The following CACNA1E variants were observed in gnomAD, a reference collection of about 807,000 sequenced individuals.
The protein encoded by CACNA1E is calcium voltage-gated channel subunit alpha1 E.
In CACNA1E, 40 loss-of-function variants were observed where a neutral mutation model predicts 259.2. That is an observed-to-expected ratio of 0.15 (90% CI 0.12 to 0.20). The LOEUF is 0.20. Ranked by LOEUF, CACNA1E falls within the 10% of genes least tolerant of loss-of-function variation. The pLI, the probability that CACNA1E is intolerant of heterozygous loss-of-function variation, is 1.00. For synonymous variants in CACNA1E, 1,104 were observed against 1,138.5 expected, an observed-to-expected ratio of 0.97 and a Z score of 0.61; for missense variants, 1,874 against 3,040.1, an observed-to-expected ratio of 0.62 and a Z score of 9.02.
chr1:181,671,817 G>T (rs1648831815), intron 7 of CACNA1E, among the ~76,000 whole-genome samples: 1 of 152,208 alleles, frequency 6.6e-6, no homozygotes, highest in African/African-American at 2.4e-5. Flanking sequence ...TCACTCAGGG[G>T]TGTTAAAAAG....
At chr1:181,491,283 G>T (rs1664294191) in intron 1 of CACNA1E, among the ~76,000 whole-genome samples, 1 of 151,832 alleles carries the variant, frequency 6.6e-6, no homozygotes. Flanking sequence ...TAGGCGGTCT[G>T]CCCGTTTCAT....
intron 6 of CACNA1E, among the ~76,000 whole-genome samples, chr1:181,635,822 T>C (rs1657159861): frequency 1.3e-5 from 2 of 152,342 alleles, no homozygotes; most frequent in South Asian, 4.2e-4. Flanking sequence ...CATCCATTCA[T>C]AGAACAGATG....
At chr1:181,529,259 GA>G (rs1221873837) in intron 3 of CACNA1E, among the ~76,000 whole-genome samples, 1 of 152,342 alleles carries the variant, frequency 6.6e-6, no homozygotes, top group South Asian at 2.1e-4. Context: ...GAGGTGCACA[GA>G]AGTCAAGAAT....
At chr1:181,524,712 A>G (rs963668647) in intron 3 of CACNA1E, among the ~76,000 whole-genome samples, 1 of 152,206 alleles carries the variant, frequency 6.6e-6, no homozygotes, top group Non-Finnish European at 1.5e-5. Flanking sequence ...ATACTCCTTA[A>G]ATGTATTGGT....
chr1:181,352,233 A>G (rs1177922190), intron 1 of CACNA1E, among the ~76,000 whole-genome samples: 2 of 152,230 alleles, frequency 1.3e-5, no homozygotes, highest in East Asian at 1.9e-4. Context: ...TGGGCCTTTC[A>G]GTAGCATTGA....
At chr1:181,633,214 G>A (rs913765099) in intron 6 of CACNA1E, among the ~76,000 whole-genome samples, 2 of 152,128 alleles carry the variant, frequency 1.3e-5, no homozygotes, top group Non-Finnish European at 2.9e-5. Flanking sequence ...CCAAGGAAGG[G>A]TGCAGCAGCT....
At chr1:181,600,741 G>A (rs1312480259) in intron 6 of CACNA1E, among the ~76,000 whole-genome samples, 1 of 152,188 alleles carries the variant, frequency 6.6e-6, no homozygotes, top group East Asian at 1.9e-4. Context: ...TGATGTCTAT[G>A]AGATAGCCCA....
chr1:181,348,321 G>A (rs772873402), intron 1 of CACNA1E, among the ~76,000 whole-genome samples: 1 of 152,052 alleles, frequency 6.6e-6, no homozygotes, highest in Admixed American at 6.6e-5. Context: ...AAACCAGGTC[G>A]CATCTAAACT....
At chr1:181,639,060 G>A (rs573888335) in intron 6 of CACNA1E, among the ~76,000 whole-genome samples, 1 of 151,996 alleles carries the variant, frequency 6.6e-6, no homozygotes, top group South Asian at 2.1e-4. Flanking sequence ...TATGCACCTG[G>A]TCCAATGTCC....
chr1:181,458,768 T>G (rs1661615465), intron 2 of CACNA1E, among the ~76,000 whole-genome samples: 1 of 152,206 alleles, frequency 6.6e-6, no homozygotes, highest in Non-Finnish European at 1.5e-5. Flanking sequence ...TTCACTTTGG[T>G]TTCTATCACA....
At position 181,743,060 on chromosome 1, in the gene CACNA1E, T is replaced by C. The variant is rs930871527; in HGVS notation, c.3719+3807T>C. 6.6e-5 allele frequency among the ~76,000 whole-genome samples: 10 copies of C among 152,218 alleles called. No individual in the cohort carries two copies. In the East Asian group the frequency reaches 9.6e-4, roughly 15 times the overall value. ...TCACTTTTACGTTATAAGGCATTTA[T>C]AAGAACACTCAGGTCTCCTTCCTTA... is the stretch of plus-strand genomic sequence containing the variant. On this transcript the variant is annotated intron_variant, in intron 25 of 47. Coordinates refer to ENST00000367573, the MANE Select transcript of CACNA1E (RefSeq NM_001205293.3).
chr1:181,758,984 G>C lies in CACNA1E; in HGVS notation c.4605+116G>C. 1 of 653,796 alleles carries C rather than the reference G, an allele frequency of 1.5e-6. No homozygotes were observed. The highest frequency in any genetic ancestry group is 2.7e-6 in the Non-Finnish European group (1 of 365,706). The allele number at this position is 653,796 out of a possible 1,614,324, so 40.5% of individuals were successfully genotyped here. A position where few individuals can be genotyped will look rare whatever the true frequency, so the allele number is the denominator to read the frequency against. ...TTCCAGAAATCACCCACCTAGATGTGGGCTCGTTTTGACTGCTCAGTAAAC... is the reference window on the plus strand; with the variant it reads ...TTCCAGAAATCACCCACCTAGATGTCGGCTCGTTTTGACTGCTCAGTAAAC... On this transcript the variant is annotated intron_variant, in intron 32 of 47. Coordinates refer to ENST00000367573, the MANE Select transcript of CACNA1E (RefSeq NM_001205293.3). This position sits in a 1 kb window ranked among gnomAD's most constrained non-coding sequence, Gnocchi z 4.2.
intron 6 of CACNA1E, among the ~76,000 whole-genome samples, chr1:181,648,143 A>G (rs1190212208): frequency 6.6e-6 from 1 of 152,188 alleles, no homozygotes; most frequent in Non-Finnish European, 1.5e-5. Flanking sequence ...CCACAGATTG[A>G]GAGGGGGCTA....
intron 18 of CACNA1E, among the ~76,000 whole-genome samples, chr1:181,730,026 A>C (rs571899913): frequency 6.6e-6 from 1 of 152,080 alleles, no homozygotes; most frequent in Non-Finnish European, 1.5e-5. Context: ...CTCCACAATG[A>C]TGTCTGCATC....
At chr1:181,601,385 C>G (rs377684703) in intron 6 of CACNA1E, among the ~76,000 whole-genome samples, 5 of 152,178 alleles carry the variant, frequency 3.3e-5, no homozygotes, top group African/African-American at 9.7e-5. Context: ...TGCTCCCTTT[C>G]CAAACACACG....
chr1:181,562,074 T>A (rs761245543), intron 3 of CACNA1E, among the ~76,000 whole-genome samples: 5 of 152,174 alleles, frequency 3.3e-5, no homozygotes, highest in Non-Finnish European at 5.9e-5. Context: ...CTTTTGGCCA[T>A]TTTTTAATTA....
At chr1:181,588,813 A>G (rs1394906276) in intron 6 of CACNA1E, among the ~76,000 whole-genome samples, 1 of 152,208 alleles carries the variant, frequency 6.6e-6, no homozygotes, top group Admixed American at 6.5e-5. Flanking sequence ...TTCTCAGGCA[A>G]CACCAGGCCT....
chr1:181,710,250 G>A (rs767379190), intron 7 of CACNA1E, among the ~76,000 whole-genome samples: 6 of 125,372 alleles, frequency 4.8e-5, no homozygotes, highest in East Asian at 5.4e-4. Context: ...TCCTTCTCAC[G>A]TCCCTTCCTT....
intron 2 of CACNA1E, among the ~76,000 whole-genome samples, chr1:181,430,522 T>C (rs1659642570): frequency 6.6e-6 from 1 of 152,186 alleles, no homozygotes; most frequent in Non-Finnish European, 1.5e-5. Flanking sequence ...CCCACCTCCC[T>C]GTGCAAGTTC....
Sources: allele counts gnomAD v4.1 joint callset (sites outside exome capture counted in the v4.1 genomes callset), GRCh38; gene constraint gnomAD v4.1.1; non-coding constraint Gnocchi (gnomAD v3.1); transcripts MANE v1.5; gene names NCBI Gene and HGNC (gene_info 2026-07-23, HGNC 2026-07-21).